Variants in GPHN observed in about 807,000 individuals in gnomAD.
GPHN encodes the protein gephyrin.
GPHN carries 17 observed loss-of-function variants against 95.5 expected under a neutral mutation model. The observed-to-expected ratio is 0.18, with a 90% CI of 0.12 to 0.27. The LOEUF (loss-of-function observed/expected upper bound fraction) is 0.27, where lower values mean the gene tolerates loss of function less well. Among genes scored for constraint, GPHN ranks in the 10% least tolerant of loss-of-function variants. GPHN has a pLI of 1.00. For synonymous variants in GPHN, 320 were observed against 322.5 expected, an observed-to-expected ratio of 0.99 and a Z score of 0.08; for missense variants, 660 against 978.1, an observed-to-expected ratio of 0.67 and a Z score of 4.34.
the GPHN span, among the ~76,000 whole-genome samples, chr14:67,486,337 C>T: frequency 6.6e-6 from 1 of 152,206 alleles, no homozygotes; most frequent in African/African-American, 2.4e-5. Context: ...TGCAATGGCA[C>T]GATCTTGGCT....
intron 10 of GPHN, among the ~76,000 whole-genome samples, chr14:67,049,434 T>TA (rs2075198340): frequency 6.6e-6 from 1 of 151,666 alleles, no homozygotes. Context: ...TTCACCGTGT[T>TA]AGCCAGGATG....
the GPHN span, chr14:67,541,853 G>A: frequency 6.3e-7 from 1 of 1,584,792 alleles, no homozygotes; most frequent in Non-Finnish European, 8.6e-7. Flanking sequence ...GAATAATCCA[G>A]AAGTCGATTC....
At chr14:67,223,697 TTTC>T in the GPHN span, 2 of 965,438 alleles carry the variant, frequency 2.1e-6, no homozygotes, top group Non-Finnish European at 2.5e-6. Context: ...CTCTTATGTA[TTTC>T]TTATTTCTTT....
chr14:66,794,739 C>A (rs2060097172), intron 3 of GPHN, among the ~76,000 whole-genome samples: 1 of 152,068 alleles, frequency 6.6e-6, no homozygotes, highest in African/African-American at 2.4e-5. Flanking sequence ...TAATTATTAA[C>A]ATTTGATCTT....
At chr14:67,674,397 C>G in the GPHN span, 1 of 1,603,032 alleles carries the variant, frequency 6.2e-7, no homozygotes, top group Non-Finnish European at 8.5e-7. Flanking sequence ...TCCCCAGCAG[C>G]CGCTCGGGCA....
At chr14:66,618,459 C>G (rs149812276) in intron 1 of GPHN, among the ~76,000 whole-genome samples, 1,645 of 152,280 alleles carry the variant, frequency 0.011, 20 homozygotes, top group Non-Finnish European at 0.017. Flanking sequence ...TTTTATCCAT[C>G]AGTCTGTGTA....
At chr14:67,430,598 G>A in the GPHN span, among the ~76,000 whole-genome samples, 27 of 152,250 alleles carry the variant, frequency 1.8e-4, no homozygotes, top group African/African-American at 6.5e-4. Flanking sequence ...GGTGTCAATG[G>A]CATCACGGGG....
At chr14:67,577,925 T>C in the GPHN span, 1 of 1,132,314 alleles carries the variant, frequency 8.8e-7, no homozygotes, top group Non-Finnish European at 1.3e-6. Context: ...GTCAGTAAAC[T>C]CTAACCTCCC....
chr14:67,117,923 G>A (rs1319302175), intron 16 of GPHN, among the ~76,000 whole-genome samples: 1 of 152,052 alleles, frequency 6.6e-6, no homozygotes, highest in African/African-American at 2.4e-5. Context: ...AATATAACTG[G>A]TGGCAAGAGT....
intron 18 of GPHN, among the ~76,000 whole-genome samples, chr14:67,153,421 T>C (rs921029939): frequency 9.2e-5 from 14 of 152,242 alleles, no homozygotes; most frequent in African/African-American, 3.1e-4. Context: ...AGCTGACTTC[T>C]TTTACCCTCA....
intron 3 of GPHN, among the ~76,000 whole-genome samples, chr14:66,789,799 G>A (rs2059908693): frequency 6.6e-6 from 1 of 152,198 alleles, no homozygotes; most frequent in Admixed American, 6.5e-5. Flanking sequence ...GTGGCCAGGA[G>A]CATGCTTCTG....
intron 1 of GPHN, among the ~76,000 whole-genome samples, chr14:66,652,899 T>C (rs2065112779): frequency 6.6e-6 from 1 of 152,142 alleles, no homozygotes; most frequent in African/African-American, 2.4e-5. Flanking sequence ...TATGGTTATG[T>C]TTTGCTGCAG....
At chr14:67,422,415 G>A in the GPHN span, among the ~76,000 whole-genome samples, 2 of 152,196 alleles carry the variant, frequency 1.3e-5, no homozygotes, top group African/African-American at 4.8e-5. Flanking sequence ...CCGAGGACCT[G>A]TGAGTGTAAT....
chr14:66,770,571 A>T (rs1196018507), intron 2 of GPHN, among the ~76,000 whole-genome samples: 1 of 152,202 alleles, frequency 6.6e-6, no homozygotes, highest in African/African-American at 2.4e-5. Flanking sequence ...GCAATATGTT[A>T]TATACACATA....
intron 4 of GPHN, among the ~76,000 whole-genome samples, chr14:66,834,502 A>G (rs1296358857): frequency 6.6e-6 from 1 of 152,082 alleles, no homozygotes. Flanking sequence ...TTCTGCATGT[A>G]TTGAGATAAT....
At chr14:67,375,991 A>G in the GPHN span, among the ~76,000 whole-genome samples, 3 of 152,194 alleles carry the variant, frequency 2.0e-5, no homozygotes, top group Non-Finnish European at 2.9e-5. Context: ...CTTTTTGTCT[A>G]CACCCTGTTA....
intron 2 of GPHN, 141 bp downstream of exon 2, chr14:66,681,326 G>T (rs1174193458): frequency 6.2e-6 from 4 of 640,740 alleles, no homozygotes; most frequent in East Asian, 2.8e-5. Context: ...ACATATTGAA[G>T]TCTGACAGAA....
Position 66,685,241 on chromosome 14 carries a change from C to T in GPHN, c.143+4056C>T, listed in dbSNP as rs1429497486. On this transcript the variant is annotated intron_variant, in intron 2 of 22. Transcript: ENST00000478722. ...GCCATGTGTCTTTATAGCAGCATGA[C>T]TTATAATCCTTTGGGTATATACCCA... 1.9e-4 allele frequency among the ~76,000 whole-genome samples: 29 copies of T among 152,220 alleles called. No homozygotes were observed. The East Asian group carries it at 4.4e-3, about 23-fold the overall frequency.
chr14:67,055,169 A>C (rs1372374296), intron 10 of GPHN, among the ~76,000 whole-genome samples: 1 of 152,226 alleles, frequency 6.6e-6, no homozygotes, highest in Non-Finnish European at 1.5e-5. Flanking sequence ...ACAGAATGGG[A>C]GAAAATTATT....
Sources: allele counts gnomAD v4.1 joint callset (sites outside exome capture counted in the v4.1 genomes callset), GRCh38; gene constraint gnomAD v4.1.1; transcripts MANE v1.5; gene names NCBI Gene and HGNC (gene_info 2026-07-23, HGNC 2026-07-21).